Variants in EYS observed in about 807,000 individuals in gnomAD.
EYS encodes protein eyes shut homolog.
EYS carries 250 observed loss-of-function variants against 282.1 expected under a neutral mutation model. That is an observed-to-expected ratio of 0.89 (90% confidence interval 0.80 to 0.98). The LOEUF is 0.98. Ranked by LOEUF, EYS falls within the 50% of genes least tolerant of loss-of-function variation. The pLI is 0.00. For missense variants in EYS, 4,016 were observed against 3,709.0 expected, an observed-to-expected ratio of 1.08 and a Z score of -2.15; for synonymous variants, 1,355 against 1,282.9, an observed-to-expected ratio of 1.06 and a Z score of -1.20.
intron 29 of EYS, among the ~76,000 whole-genome samples, chr6:64,356,482 T>C (rs1026798772): frequency 1.3e-5 from 2 of 151,696 alleles, no homozygotes; most frequent in African/African-American, 2.4e-5. Context: ...GGAGAATGTG[T>C]TTAATCATGT....
chr6:63,945,526 T>G (rs908744665), intron 35 of EYS, among the ~76,000 whole-genome samples: 1 of 152,150 alleles, frequency 6.6e-6, no homozygotes, highest in Non-Finnish European at 1.5e-5. Flanking sequence ...TTCAGAGTAA[T>G]TCATCTGACC....
chr6:65,276,059 G>T (rs142127470), intron 12 of EYS, among the ~76,000 whole-genome samples: 1 of 152,118 alleles, frequency 6.6e-6, no homozygotes, highest in Non-Finnish European at 1.5e-5. Context: ...TTGGGCCCAT[G>T]CTCATAGATT....
chr6:64,279,030 T>C (rs1463637826), intron 30 of EYS, among the ~76,000 whole-genome samples: 1 of 152,182 alleles, frequency 6.6e-6, no homozygotes, highest in Admixed American at 6.6e-5. Context: ...CTAATACATT[T>C]TCACTACTAC....
intron 29 of EYS, among the ~76,000 whole-genome samples, chr6:64,365,999 G>C (rs1413846479): frequency 6.6e-6 from 1 of 151,966 alleles, no homozygotes; most frequent in East Asian, 1.9e-4. Context: ...CATGATGGAT[G>C]TATGTGCCTG....
At chr6:64,171,624 TATAAC>T (rs571772421) in intron 31 of EYS, among the ~76,000 whole-genome samples, 300 of 151,626 alleles carry the variant, frequency 2.0e-3, no homozygotes, top group African/African-American at 6.6e-3. Flanking sequence ...TGATTATTGA[TATAAC>T]AGTCTTCCAC....
chr6:65,522,050 T>C (rs747951977), intron 2 of EYS, among the ~76,000 whole-genome samples: 4 of 152,208 alleles, frequency 2.6e-5, no homozygotes, highest in Non-Finnish European at 5.9e-5. Context: ...TAACATTTAT[T>C]ACAATTCTAT....
intron 22 of EYS, among the ~76,000 whole-genome samples, chr6:64,706,219 G>A (rs1006932610): frequency 6.6e-6 from 1 of 152,088 alleles, no homozygotes; most frequent in South Asian, 2.1e-4. Context: ...ATTAAGTGGG[G>A]AAAGGGCACA....
At chr6:65,098,471 A>G (rs1433945910) in intron 12 of EYS, among the ~76,000 whole-genome samples, 1 of 150,746 alleles carries the variant, frequency 6.6e-6, no homozygotes, top group East Asian at 1.9e-4. Context: ...CTTAACTCCC[A>G]TTTCGTCTAG....
At chr6:64,778,674 C>T (rs1361914218) in intron 22 of EYS, among the ~76,000 whole-genome samples, 1 of 152,068 alleles carries the variant, frequency 6.6e-6, no homozygotes, top group African/African-American at 2.4e-5. Flanking sequence ...TCAAAATATA[C>T]AAAAACTCCT....
chr6:64,344,792 A>T (rs1474848811), intron 29 of EYS, among the ~76,000 whole-genome samples: 1 of 152,148 alleles, frequency 6.6e-6, no homozygotes, highest in African/African-American at 2.4e-5. Context: ...TTTTATATCT[A>T]GAAAACCCCA....
intron 21 of EYS, among the ~76,000 whole-genome samples, chr6:64,819,998 A>G (rs1764853588): frequency 6.6e-6 from 1 of 152,054 alleles, no homozygotes; most frequent in African/African-American, 2.4e-5. Context: ...AATAATGACA[A>G]ATTACATTCT....
chr6:64,612,264 G>A (rs1377752189), intron 24 of EYS, among the ~76,000 whole-genome samples: 2 of 151,972 alleles, frequency 1.3e-5, no homozygotes, highest in South Asian at 2.1e-4. Flanking sequence ...TAATTTAAGG[G>A]CTGTAATTAA....
At chr6:64,552,672 T>C (rs553639782) in intron 26 of EYS, among the ~76,000 whole-genome samples, 92 of 152,234 alleles carry the variant, frequency 6.0e-4, no homozygotes, top group African/African-American at 2.1e-3. Context: ...CCCAGGACTT[T>C]GGGAGGCCGA....
chr6:63,865,668 A>G (rs1348309722), intron 35 of EYS, among the ~76,000 whole-genome samples: 1 of 151,714 alleles, frequency 6.6e-6, no homozygotes, highest in Non-Finnish European at 1.5e-5. Flanking sequence ...CATACCATGA[A>G]TTTTTCCCCA....
chr6:64,806,981 T>A (rs906794454), intron 22 of EYS, among the ~76,000 whole-genome samples: 1 of 152,100 alleles, frequency 6.6e-6, no homozygotes, highest in African/African-American at 2.4e-5. Flanking sequence ...GCTGTGTGAG[T>A]CTAATTTGAA....
At chr6:64,140,789 C>T (rs997623825) in intron 31 of EYS, among the ~76,000 whole-genome samples, 4 of 152,238 alleles carry the variant, frequency 2.6e-5, no homozygotes, top group South Asian at 2.1e-4. Context: ...CTGTTAGGCT[C>T]GGCATTCCCC....
At chr6:64,290,152 T>C (rs1209345752) in intron 30 of EYS, among the ~76,000 whole-genome samples, 1 of 152,092 alleles carries the variant, frequency 6.6e-6, no homozygotes, top group Non-Finnish European at 1.5e-5. Flanking sequence ...TTCTGCTCTG[T>C]TTATTGGTAT....
chr6:64,942,150 T>A (rs1423838313), intron 15 of EYS, among the ~76,000 whole-genome samples: 1 of 151,878 alleles, frequency 6.6e-6, no homozygotes, highest in African/African-American at 2.4e-5. Flanking sequence ...ATAATAACAA[T>A]GCTGATGTGT....
intron 30 of EYS, among the ~76,000 whole-genome samples, chr6:64,281,851 A>C (rs1768320740): frequency 6.6e-6 from 1 of 152,142 alleles, no homozygotes; most frequent in Non-Finnish European, 1.5e-5. Context: ...AGGGGAGCAA[A>C]TATAGAAAGT....
Sources: allele counts gnomAD v4.1 joint callset (sites outside exome capture counted in the v4.1 genomes callset), GRCh38; gene constraint gnomAD v4.1.1; transcripts MANE v1.5; gene names NCBI Gene and HGNC (gene_info 2026-07-23, HGNC 2026-07-21).